Variants in ADGRL3 observed in about 807,000 individuals in gnomAD.
The protein encoded by ADGRL3 is adhesion G protein-coupled receptor L3, also known as calcium-independent alpha-latrotoxin receptor 3.
A neutral mutation model predicts 153.5 loss-of-function variants in ADGRL3; 62 were observed. The ratio of observed to expected loss-of-function variants is 0.40; its 90% confidence interval spans 0.33 to 0.50. The LOEUF is 0.50. Among genes scored for constraint, ADGRL3 ranks in the 20% least tolerant of loss-of-function variants. The pLI is 0.47. For missense variants in ADGRL3, 1,641 were observed against 1,859.4 expected (o/e 0.88, Z 2.16); for synonymous variants, 710 against 672.5 (o/e 1.06, Z -0.86).
chr4:61,390,291 C>T (rs889203844), intron 2 of ADGRL3, among the ~76,000 whole-genome samples: 1 of 152,102 alleles, frequency 6.6e-6, no homozygotes, highest in Non-Finnish European at 1.5e-5. Context: ...TGTTCTGATC[C>T]TTGTCTTGAC....
intron 6 of ADGRL3, among the ~76,000 whole-genome samples, chr4:61,704,243 G>A (rs2095818250): frequency 6.6e-6 from 1 of 152,084 alleles, no homozygotes; most frequent in East Asian, 1.9e-4. Context: ...TCCATATGAA[G>A]TGCCCTTCTG....
chr4:61,703,435 A>G (rs17226256), intron 6 of ADGRL3, among the ~76,000 whole-genome samples: 2,961 of 152,218 alleles, frequency 0.019, 76 homozygotes, highest in South Asian at 0.066. Flanking sequence ...GAGGAGTGAA[A>G]AGGTTATGCT....
At chr4:61,311,307 T>C (rs2094994872) in intron 1 of ADGRL3, among the ~76,000 whole-genome samples, 2 of 152,190 alleles carry the variant, frequency 1.3e-5, no homozygotes, top group South Asian at 4.1e-4. Context: ...CCTTCTGGAA[T>C]ATATGGCTTC....
chr4:61,243,339 GAGAGA>G (rs1241662521), intron 1 of ADGRL3, among the ~76,000 whole-genome samples: 1 of 152,010 alleles, frequency 6.6e-6, no homozygotes, highest in East Asian at 1.9e-4. Context: ...CAGACCAAGA[GAGAGA>G]AGAGAACCAG....
rs144268430 is a variant in ADGRL3 at position 61,844,058 on chromosome 4, G to A, written c.1480+30169G>A. 1.5e-3 allele frequency among the ~76,000 whole-genome samples: 225 copies of A among 149,342 alleles called. 1 individual carries two copies. Among genetic ancestry groups the A allele is most frequent in the Non-Finnish European group, 2.7e-3 (180 of 67,492 alleles). On this transcript the variant is annotated intron_variant, in intron 9 of 26. Transcript: ENST00000683033. ...AAAATCAACAGTAGACTATATCAACGTCACATTCACAGGGGTCTTGCCTGC... is the reference window on the plus strand; with the variant it reads ...AAAATCAACAGTAGACTATATCAACATCACATTCACAGGGGTCTTGCCTGC...
At chr4:61,655,778 A>G (rs2094427319) in intron 5 of ADGRL3, among the ~76,000 whole-genome samples, 1 of 152,192 alleles carries the variant, frequency 6.6e-6, no homozygotes, top group Non-Finnish European at 1.5e-5. Context: ...TGAAGTTCCC[A>G]AATAAGATTT....
chr4:61,545,503 G>T (rs1305572685), intron 4 of ADGRL3, among the ~76,000 whole-genome samples: 3 of 152,084 alleles, frequency 2.0e-5, no homozygotes, highest in African/African-American at 7.2e-5. Context: ...GCCTCAGGGA[G>T]CCAGTTCAGC....
intron 1 of ADGRL3, among the ~76,000 whole-genome samples, chr4:61,362,483 C>T (rs928982294): frequency 2.6e-5 from 4 of 151,826 alleles, no homozygotes; most frequent in Non-Finnish European, 5.9e-5. Context: ...ACTTAACTAC[C>T]GATAGACTAT....
intron 1 of ADGRL3, among the ~76,000 whole-genome samples, chr4:61,209,595 A>T (rs1348294258): frequency 6.6e-6 from 1 of 152,056 alleles, no homozygotes; most frequent in Non-Finnish European, 1.5e-5. Context: ...ATTTATCTTT[A>T]CTATGTTCTT....
chr4:61,566,255 G>A (rs1420583174), intron 4 of ADGRL3, among the ~76,000 whole-genome samples: 1 of 152,100 alleles, frequency 6.6e-6, no homozygotes, highest in East Asian at 1.9e-4. Flanking sequence ...GCTTGTAGTT[G>A]GCTGTCATTT....
At chr4:61,405,708 C>T (rs1045880147) in intron 2 of ADGRL3, among the ~76,000 whole-genome samples, 7 of 151,766 alleles carry the variant, frequency 4.6e-5, no homozygotes, top group African/African-American at 1.7e-4. Context: ...AGATTTTTTA[C>T]CCTAACTTTG....
chr4:61,208,771 G>T (rs1738479860), intron 1 of ADGRL3, among the ~76,000 whole-genome samples: 1 of 152,010 alleles, frequency 6.6e-6, no homozygotes, highest in African/African-American at 2.4e-5. Context: ...TATATATCTT[G>T]GGAATTATTA....
At chr4:61,301,173 A>G (rs1249744876) in intron 1 of ADGRL3, among the ~76,000 whole-genome samples, 2 of 152,212 alleles carry the variant, frequency 1.3e-5, no homozygotes, top group Non-Finnish European at 2.9e-5. Context: ...TCTGTATAAA[A>G]TATTAACTTG....
intron 8 of ADGRL3, among the ~76,000 whole-genome samples, chr4:61,753,186 G>C (rs1178945563): frequency 6.9e-6 from 1 of 144,078 alleles, no homozygotes; most frequent in Non-Finnish European, 1.5e-5. Context: ...AACTCCTCTA[G>C]ATGGTATGAA....
At chr4:61,748,189 C>T (rs1320542437) in intron 8 of ADGRL3, among the ~76,000 whole-genome samples, 1 of 152,070 alleles carries the variant, frequency 6.6e-6, no homozygotes, top group Admixed American at 6.5e-5. Context: ...CTACAAACCA[C>T]TGCTCAATGA....
rs182741269 is a variant in ADGRL3, at chr4:61,715,904, C to T, written c.584-14718C>T. ...TTTTCATAACCATCTCCTTTCATAA[C>T]AGGAAAGGAATTGGAAAAGGGAGAG... On this transcript the variant is annotated intron_variant, in intron 6 of 26. Transcript: ENST00000683033. Among the ~76,000 whole-genome samples, 36 of 106,562 alleles carry T rather than the reference C, an allele frequency of 3.4e-4. No individual in the cohort carries two copies. In the East Asian group the frequency reaches 8.7e-3, roughly 26 times the overall value. The allele number at this position is 106,562 out of a possible 152,430, so 69.9% of individuals were successfully genotyped here. A position where few individuals can be genotyped will look rare whatever the true frequency, so the allele number is the denominator to read the frequency against.
intron 9 of ADGRL3, among the ~76,000 whole-genome samples, chr4:61,865,222 C>T (rs1240092419): frequency 6.6e-6 from 1 of 152,122 alleles, no homozygotes; most frequent in Admixed American, 6.5e-5. Context: ...ATAACTGTAT[C>T]TGTAAGCAGT....
At chr4:61,785,427 C>T (rs575575207) in intron 8 of ADGRL3, among the ~76,000 whole-genome samples, 2 of 152,266 alleles carry the variant, frequency 1.3e-5, no homozygotes, top group South Asian at 4.1e-4. Flanking sequence ...GTAGGTGGCA[C>T]TGCTTTTAAG....
intron 1 of ADGRL3, among the ~76,000 whole-genome samples, chr4:61,268,361 A>G (rs1163820743): frequency 6.6e-6 from 1 of 151,644 alleles, no homozygotes; most frequent in Non-Finnish European, 1.5e-5. Flanking sequence ...CTTTCTATGT[A>G]GATGCAAAAT....
Sources: allele counts gnomAD v4.1 joint callset (sites outside exome capture counted in the v4.1 genomes callset), GRCh38; gene constraint gnomAD v4.1.1; transcripts MANE v1.5; gene names NCBI Gene and HGNC (gene_info 2026-07-23, HGNC 2026-07-21).